NEK10: variants seen among roughly 807,000 people sequenced by gnomAD.
NEK10 encodes the protein serine/threonine-protein kinase Nek10.
In NEK10, 122 loss-of-function variants were observed where a neutral mutation model predicts 159.8. The observed-to-expected ratio is 0.76, with a 90% CI of 0.66 to 0.89. The LOEUF (loss-of-function observed/expected upper bound fraction) is 0.89. NEK10 is among the 40% of genes least tolerant of loss of function. The pLI is 0.00. For missense variants in NEK10, 1,342 were observed against 1,323.1 expected, an observed-to-expected ratio of 1.01 and a Z score of -0.22; for synonymous variants, 466 against 457.1, an observed-to-expected ratio of 1.02 and a Z score of -0.25.
At chr3:27,218,713 C>A (rs567773901) in intron 23 of NEK10, among the ~76,000 whole-genome samples, 2 of 111,100 alleles carry the variant, frequency 1.8e-5, no homozygotes, top group African/African-American at 3.3e-5. Context: ...CCAGGTAAAA[C>A]ATCATATTAA....
chr3:27,123,598 C>A lies in NEK10; in HGVS notation c.3082-3730G>T, dbSNP rs569703048. On this transcript the variant is annotated intron_variant, in intron 32 of 35. Transcript: ENST00000691995. ...CACATTAATGGATAAAAATTATACTCTTGGAGTTCGCTAACTACTTAGGGA... is the reference window on the plus strand; with the variant it reads ...CACATTAATGGATAAAAATTATACTATTGGAGTTCGCTAACTACTTAGGGA... Among the ~76,000 whole-genome samples, 147 of 152,222 alleles carry A rather than the reference C, an allele frequency of 9.7e-4. 1 individual carries two copies. In the South Asian group the frequency reaches 0.012, roughly 12 times the overall value.
intron 30 of NEK10, among the ~76,000 whole-genome samples, chr3:27,153,490 A>G (rs1269768820): frequency 6.6e-6 from 1 of 152,102 alleles, no homozygotes; most frequent in Non-Finnish European, 1.5e-5. Flanking sequence ...TCATCCAACA[A>G]CCGCAAAACA....
At chr3:27,319,680 G>A (rs939675398) in intron 6 of NEK10, among the ~76,000 whole-genome samples, 6 of 152,152 alleles carry the variant, frequency 3.9e-5, no homozygotes, top group Non-Finnish European at 7.3e-5. Flanking sequence ...AATAGAGAGC[G>A]GGTAGAAGGG....
Position 27,109,925 on chromosome 3 carries a change from A to G in NEK10, c.*1347T>C, listed in dbSNP as rs1304062197. Among the ~76,000 whole-genome samples, 2 of 152,236 alleles carry G rather than the reference A, an allele frequency of 1.3e-5. No individual in the cohort carries two copies. The highest frequency in any genetic ancestry group is 3.8e-4 in the East Asian group (2 of 5,204). ...GTGCATGATTAAAGGGAATTTGGAT[A>G]TAATTTAAGTATTAAATATGCTCAT... On this transcript the variant is annotated 3_prime_UTR_variant, in exon 36 of 36. Transcript: ENST00000691995.
chr3:27,323,371 A>G (rs1249390537), intron 5 of NEK10, among the ~76,000 whole-genome samples: 1 of 152,170 alleles, frequency 6.6e-6, no homozygotes, highest in Non-Finnish European at 1.5e-5. Context: ...CTGTGCCTGC[A>G]GGCAAGGTAG....
chr3:27,213,212 C>A (rs543196071), intron 23 of NEK10, among the ~76,000 whole-genome samples: 2 of 152,224 alleles, frequency 1.3e-5, no homozygotes, highest in Admixed American at 6.5e-5. Flanking sequence ...TTGCTTTGTG[C>A]GTTCTGTCCA....
At chr3:27,258,583 G>A (rs146338427) in intron 22 of NEK10, among the ~76,000 whole-genome samples, 6,278 of 152,218 alleles carry the variant, frequency 0.041, 216 homozygotes, top group African/African-American at 0.096. Flanking sequence ...ATTCCATGGT[G>A]TATATGTGCC....
At chr3:27,131,390 T>C (rs1352263589) in intron 32 of NEK10, among the ~76,000 whole-genome samples, 29 of 152,186 alleles carry the variant, frequency 1.9e-4, no homozygotes, top group Admixed American at 1.8e-3. Context: ...AGTTGCTATA[T>C]GTATGGACAG....
intron 28 of NEK10, among the ~76,000 whole-genome samples, chr3:27,172,644 G>A (rs995523278): frequency 5.9e-5 from 9 of 152,070 alleles, no homozygotes; most frequent in African/African-American, 2.2e-4. Context: ...AATGATAAAT[G>A]TTTGAGGTGA....
chr3:27,342,010 T>C (rs1044742936), intron 5 of NEK10, among the ~76,000 whole-genome samples: 4 of 150,128 alleles, frequency 2.7e-5, no homozygotes, highest in Non-Finnish European at 5.9e-5. Flanking sequence ...TTAATACAAA[T>C]TGTGTATATT....
intron 23 of NEK10, among the ~76,000 whole-genome samples, chr3:27,236,310 A>C (rs147284208): frequency 1.5e-3 from 223 of 152,298 alleles, no homozygotes; most frequent in African/African-American, 5.2e-3. Context: ...ATAAGTAAAT[A>C]AATAAATGAA....
chr3:27,319,546 G>T (rs931834035), intron 6 of NEK10, among the ~76,000 whole-genome samples: 4 of 152,200 alleles, frequency 2.6e-5, no homozygotes, highest in Admixed American at 1.3e-4. Flanking sequence ...CAATACATCA[G>T]TCCTGGTGGA....
chr3:27,277,860 G>A (rs138954905), intron 22 of NEK10, among the ~76,000 whole-genome samples: 112 of 152,274 alleles, frequency 7.4e-4, no homozygotes, highest in African/African-American at 2.2e-3. Flanking sequence ...TAAGAGCCAC[G>A]GCATGGTTTC....
intron 23 of NEK10, among the ~76,000 whole-genome samples, chr3:27,209,873 CT>C (rs1238935183): frequency 1.1e-5 from 1 of 89,594 alleles, no homozygotes; most frequent in Non-Finnish European, 2.7e-5. Context: ...TCTTGAAAAT[CT>C]GTCTTTTGTG....
At chr3:27,215,474 G>A (rs1024257597) in intron 23 of NEK10, 4 of 394,390 alleles carry the variant, frequency 1.0e-5, no homozygotes, top group Non-Finnish European at 1.8e-5. Context: ...TGTGTTATAA[G>A]AATTGCCAAA....
At chr3:27,158,654 G>A (rs1028523588) in intron 30 of NEK10, among the ~76,000 whole-genome samples, 1 of 152,158 alleles carries the variant, frequency 6.6e-6, no homozygotes, top group African/African-American at 2.4e-5. Context: ...TTCAGCGCCT[G>A]GGTGTCAGGT....
Position 27,284,708 on chromosome 3 carries a change from G to T in NEK10, c.1912-4C>A. 6.3e-7 allele frequency: 1 copy of T among 1,598,340 alleles called. No individual in the cohort carries two copies. The highest frequency in any genetic ancestry group is 8.6e-7 in the Non-Finnish European group (1 of 1,165,892). ...AGTATCGAAGAGCTAAGCACAGCTT[G>T]AAACAATGAATAGAAAACAAATTTT... On this transcript the variant is annotated splice_region_variant and splice_polypyrimidine_tract_variant and intron_variant, in intron 21 of 35. Coordinates refer to ENST00000691995, the MANE Select transcript of NEK10 (RefSeq NM_001394966.1).
chr3:27,133,543 G>A (rs919284946), intron 31 of NEK10, among the ~76,000 whole-genome samples: 1 of 152,202 alleles, frequency 6.6e-6, no homozygotes, highest in African/African-American at 2.4e-5. Context: ...GGGAGGCCGA[G>A]GCAGGAGGAT....
At chr3:27,284,279 G>T (rs1204843041) in intron 22 of NEK10, among the ~76,000 whole-genome samples, 1 of 152,116 alleles carries the variant, frequency 6.6e-6, no homozygotes, top group Admixed American at 6.5e-5. Flanking sequence ...CAGCTATTCA[G>T]GATGCTGAGG....
Sources: gnomAD v4.1 joint callset for allele counts (sites outside exome capture counted in the v4.1 genomes callset) on GRCh38, gnomAD v4.1.1 for gene constraint, MANE v1.5 for transcripts, NCBI Gene and HGNC (gene_info 2026-07-23, HGNC 2026-07-21) for gene names.